Variants in TPM4 observed in about 807,000 individuals in gnomAD.
The protein encoded by TPM4 is tropomyosin 4.
Under a neutral mutation model 35.8 loss-of-function variants are expected in TPM4, and 17 were observed. The ratio of observed to expected loss-of-function variants is 0.47; its 90% CI spans 0.32 to 0.71. The LOEUF is 0.71. TPM4 is among the 30% of genes least tolerant of loss of function. The pLI, the probability that TPM4 is intolerant of heterozygous loss-of-function variation, is 0.03. For missense variants in TPM4, 240 were observed against 320.9 expected, an observed-to-expected ratio of 0.75 and a Z score of 1.93; for synonymous variants, 120 against 122.9, an observed-to-expected ratio of 0.98 and a Z score of 0.15.
intron 1 of TPM4, 104 bp downstream of exon 1, chr19:16,076,801 C>T: frequency 2.4e-6 from 3 of 1,265,848 alleles, no homozygotes; most frequent in Non-Finnish European, 3.0e-6. Context: ...GTCCTCGGGC[C>T]GCCTTTTTAC....
chr19:16,073,640 A>G (rs1304966645), upstream of TPM4, among the ~76,000 whole-genome samples: 1 of 152,020 alleles, frequency 6.6e-6, no homozygotes, highest in African/African-American at 2.4e-5. Flanking sequence ...TCATCTCCCC[A>G]TAGCTTGGGA....
chr19:16,076,031 G>T (rs751602215), upstream of TPM4: 1 of 1,557,720 alleles, frequency 6.4e-7, no homozygotes, highest in African/African-American at 1.4e-5. Flanking sequence ...CCCGTTCCTC[G>T]CTCTGTCGTC....
At chr19:16,094,024 G>C (rs1263103626) in intron 7 of TPM4, among the ~76,000 whole-genome samples, 1 of 148,222 alleles carries the variant, frequency 6.7e-6, no homozygotes, top group African/African-American at 2.5e-5. Flanking sequence ...GAGTGCAGTG[G>C]CGCCATCTCG....
At chr19:16,079,279 T>C (rs1249290738) in intron 1 of TPM4, among the ~76,000 whole-genome samples, 1 of 152,198 alleles carries the variant, frequency 6.6e-6, no homozygotes, top group Non-Finnish European at 1.5e-5. Flanking sequence ...CGACTGCTAA[T>C]GGGTACACAG....
intron 7 of TPM4, among the ~76,000 whole-genome samples, chr19:16,094,339 A>T (rs947544645): frequency 2.0e-5 from 3 of 151,926 alleles, no homozygotes; most frequent in Non-Finnish European, 2.9e-5. Context: ...TTTGAGACTA[A>T]CCTGGCCAAC....
Position 16,089,109 on chromosome 19 carries a change from G to A in TPM4, c.520G>A (p.Ala174Thr), listed in dbSNP as rs1450829680. The stretch of plus-strand genomic sequence containing the variant: ...TAACAATCTGAAATCTCTGGAGGCT[G>A]CATCTGAAAAGGTAGGTGGTTGGCT... The part of the protein sequence containing the change: ...VTNNLKSLEA[A>T]SEKYSEKEDK... Residue 174 changes from alanine to threonine, a missense_variant, in exon 5 of 8, where the codon GCA becomes ACA. Transcript: ENST00000643579. 15 of 1,613,780 alleles carry A rather than the reference G, an allele frequency of 9.3e-6. No homozygotes were observed. The highest frequency in any genetic ancestry group is 1.3e-5 in the Non-Finnish European group (15 of 1,180,006).
chr19:16,089,160 TTTG>T lies in TPM4; in HGVS notation c.531+43_531+45del, dbSNP rs2090594964. On this transcript the variant is annotated intron_variant, in intron 5 of 7. Coordinates refer to ENST00000643579, the MANE Select transcript of TPM4 (RefSeq NM_003290.3). ...TGAGCTGGAGGGTGGCTTGCTGGAC[TTTG>T]TTCTTTTCTTCTCCCGAGGGATGCA... 5 of 1,611,502 alleles carry T rather than the reference TTTG, an allele frequency of 3.1e-6. No individual in the cohort carries two copies. The East Asian group carries it at 8.9e-5, about 29-fold the overall frequency.
intron 4 of TPM4, chr19:16,088,351 A>G: frequency 7.6e-7 from 1 of 1,318,692 alleles, no homozygotes; most frequent in African/African-American, 1.5e-5. Context: ...GACAGGAGGC[A>G]GCAGGGAAGC....
intron 3 of TPM4, among the ~76,000 whole-genome samples, chr19:16,087,287 C>T (rs752427119): frequency 1.3e-4 from 20 of 151,952 alleles, no homozygotes; most frequent in Non-Finnish European, 2.6e-4. Flanking sequence ...CTGTCAAAAA[C>T]ATAAAAGGGC....
At chr19:16,069,150 G>T (rs2090326687) in intron 2 of TPM4, among the ~76,000 whole-genome samples, 1 of 152,196 alleles carries the variant, frequency 6.6e-6, no homozygotes, top group African/African-American at 2.4e-5. Flanking sequence ...GTGTGTGTGT[G>T]CACCCACGCA....
intron 7 of TPM4, chr19:16,100,909 C>A (rs1261880712): frequency 1.1e-5 from 2 of 175,126 alleles, no homozygotes; most frequent in African/African-American, 4.8e-5. Context: ...GTGGCTCACA[C>A]CTGTAATCCC....
Position 16,081,910 on chromosome 19 carries a change from C to T in TPM4, c.133-3C>T. ...AACATGGCTGCACCTCCGACCTCCC[C>T]AGGCTGAAGGTGATGTGGCCGCCCT... is the stretch of plus-strand genomic sequence containing the variant. On this transcript the variant is annotated splice_region_variant and splice_polypyrimidine_tract_variant and intron_variant, in intron 1 of 7. Transcript: ENST00000643579. 1.3e-6 allele frequency: 2 copies of T among 1,591,550 alleles called. No individual in the cohort carries two copies. Among genetic ancestry groups the T allele is most frequent in the South Asian group, 1.1e-5 (1 of 90,212 alleles).
chr19:16,077,944 T>G, intron 1 of TPM4: 1 of 360,016 alleles, frequency 2.8e-6, no homozygotes, highest in Non-Finnish European at 4.9e-6. Flanking sequence ...TTTTTTTTAT[T>G]TTGGATTTTT....
intron 3 of TPM4, among the ~76,000 whole-genome samples, chr19:16,087,821 C>T (rs2090576233): frequency 6.6e-6 from 1 of 152,154 alleles, no homozygotes; most frequent in Non-Finnish European, 1.5e-5. Flanking sequence ...GTGGAGGTTG[C>T]AGTGAGCCGA....
Position 16,076,542 on chromosome 19 carries a change from C to A in TPM4, c.-24C>A. Reference sequence around the variant, plus strand: ...GCCCAGCCGAGCGTCCGCCGCTGCCCGTGCGCCTCTGCGCCTCCGCGCCAT... The same window carrying A: ...GCCCAGCCGAGCGTCCGCCGCTGCCAGTGCGCCTCTGCGCCTCCGCGCCAT... On this transcript the variant is annotated 5_prime_UTR_variant, in exon 1 of 8. Transcript: ENST00000643579. 2 of 1,430,496 alleles carry A rather than the reference C, an allele frequency of 1.4e-6. No homozygotes were observed. The highest frequency in any genetic ancestry group is 1.5e-5 in the African/African-American group (1 of 67,282). 88.6% of individuals were successfully genotyped at this position (1,430,496 alleles called of 1,614,324 possible).
chr19:16,094,675 A>T (rs2090672671), intron 7 of TPM4, among the ~76,000 whole-genome samples: 1 of 152,136 alleles, frequency 6.6e-6, no homozygotes, highest in Admixed American at 6.5e-5. Context: ...TAAAAAAAAA[A>T]ACAGAAATAC....
At chr19:16,073,744 ACCTCCAGCTGCCAGCCTCCACCCCAT>A (rs1231762918), upstream of TPM4, among the ~76,000 whole-genome samples, 1 of 151,726 alleles carries the variant, frequency 6.6e-6, no homozygotes, top group African/African-American at 2.4e-5. Context: ...CATCAGCTGA[ACCTCCAGCTGCCAGCCTCCACCCCAT>A]CCTCCAGCTG....
intron 2 of TPM4, among the ~76,000 whole-genome samples, chr19:16,083,694 G>A (rs17708984): frequency 0.28 from 41,313 of 146,884 alleles, 6,263 homozygotes; most frequent in East Asian, 0.64. Context: ...CATTCACACC[G>A]GAGTTCTCAC....
chr19:16,086,377 G>A, intron 2 of TPM4, 46 bp from the exon 3 acceptor site: 1 of 1,503,816 alleles, frequency 6.6e-7, no homozygotes, highest in Non-Finnish European at 9.2e-7. Context: ...GAGGTGGGTG[G>A]AGGGGTGTGA....
Sources: allele counts gnomAD v4.1 joint callset (sites outside exome capture counted in the v4.1 genomes callset), GRCh38; gene constraint gnomAD v4.1.1; transcripts MANE v1.5; gene names NCBI Gene and HGNC (gene_info 2026-07-23, HGNC 2026-07-21).